The following MYRIP variants were observed in gnomAD, a reference collection of about 807,000 sequenced individuals.
The protein encoded by MYRIP is myosin VIIA and Rab interacting protein, also known as rab effector MyRIP.
MYRIP carries 49 observed loss-of-function variants against 98.0 expected under a neutral mutation model. The observed-to-expected ratio is 0.50, with a 90% confidence interval of 0.40 to 0.63. The LOEUF (loss-of-function observed/expected upper bound fraction) is 0.63. MYRIP is among the 30% of genes least tolerant of loss of function. The probability of loss-of-function intolerance (pLI) is 0.00; values close to 1 mark genes in which losing one functional copy is unlikely to be tolerated. For synonymous variants in MYRIP, 404 were observed against 409.5 expected (o/e 0.99, Z 0.16); for missense variants, 1,004 against 1,058.2 (o/e 0.95, Z 0.71).
chr3:40,103,590 C>G (rs1278551670), intron 3 of MYRIP, among the ~76,000 whole-genome samples: 1 of 152,174 alleles, frequency 6.6e-6, no homozygotes, highest in Non-Finnish European at 1.5e-5. Flanking sequence ...CAAACCCTGT[C>G]TCTACTAAAA....
chr3:39,984,069 G>A (rs1390184935), intron 2 of MYRIP, among the ~76,000 whole-genome samples: 1 of 152,084 alleles, frequency 6.6e-6, no homozygotes, highest in East Asian at 1.9e-4. Context: ...CATCAGCCTG[G>A]CCTCTGCTTC....
chr3:39,859,109 T>TG (rs1375690193), intron 1 of MYRIP, among the ~76,000 whole-genome samples: 5 of 114,020 alleles, frequency 4.4e-5, no homozygotes, highest in Admixed American at 8.4e-5. Context: ...GTTGGTTTTT[T>TG]GAAAAAAAAA....
intron 3 of MYRIP, among the ~76,000 whole-genome samples, chr3:40,074,415 A>C (rs1948297783): frequency 6.6e-6 from 1 of 152,192 alleles, no homozygotes; most frequent in African/African-American, 2.4e-5. Context: ...GGAATTTGCA[A>C]AATTTTTAAG....
At chr3:39,896,146 G>A (rs960124431) in intron 1 of MYRIP, among the ~76,000 whole-genome samples, 3 of 152,194 alleles carry the variant, frequency 2.0e-5, no homozygotes, top group African/African-American at 7.2e-5. Flanking sequence ...GTAATAAAAG[G>A]ATATTTGGTG....
At chr3:40,129,458 A>C (rs1277718228) in intron 3 of MYRIP, among the ~76,000 whole-genome samples, 1 of 148,342 alleles carries the variant, frequency 6.7e-6, no homozygotes, top group Non-Finnish European at 1.5e-5. Context: ...AAAAAAAAAA[A>C]AAAAAAAAAA....
At chr3:39,997,167 A>G (rs1000865718) in intron 2 of MYRIP, among the ~76,000 whole-genome samples, 2 of 152,214 alleles carry the variant, frequency 1.3e-5, no homozygotes, top group African/African-American at 2.4e-5. Flanking sequence ...AGCAGAAGGC[A>G]AGAAATAACT....
At chr3:40,096,502 C>G (rs1046737738) in intron 3 of MYRIP, among the ~76,000 whole-genome samples, 1 of 152,206 alleles carries the variant, frequency 6.6e-6, no homozygotes, top group Admixed American at 6.5e-5. Context: ...ATTTTGAGTT[C>G]ATGAGTTTGA....
intron 3 of MYRIP, among the ~76,000 whole-genome samples, chr3:40,135,024 C>G (rs1276434894): frequency 3.9e-5 from 6 of 152,172 alleles, no homozygotes; most frequent in Non-Finnish European, 4.4e-5. Context: ...CGGAACAAAG[C>G]TGGATGGAGA....
chr3:39,848,509 C>G (rs62261647), intron 1 of MYRIP, among the ~76,000 whole-genome samples: 29,051 of 152,102 alleles, frequency 0.19, 2,884 homozygotes, highest in South Asian at 0.29. Context: ...AGAGGCCTTG[C>G]CTTTCCCTTG....
intron 11 of MYRIP, among the ~76,000 whole-genome samples, chr3:40,227,384 T>C (rs1417827244): frequency 1.3e-5 from 2 of 151,994 alleles, no homozygotes; most frequent in Middle Eastern, 3.2e-3. Flanking sequence ...ATAATGGAAA[T>C]GTACTCTCTC....
intron 9 of MYRIP, among the ~76,000 whole-genome samples, chr3:40,189,036 G>A (rs1403730129): frequency 6.6e-6 from 1 of 152,208 alleles, no homozygotes. Context: ...GTCACAGCCT[G>A]AGAACTGCTC....
chr3:40,152,435 AC>A (rs905689860), intron 4 of MYRIP, among the ~76,000 whole-genome samples: 5 of 152,070 alleles, frequency 3.3e-5, no homozygotes, highest in Non-Finnish European at 7.4e-5. Context: ...CATGTGGAAA[AC>A]CCTGTAGAAT....
chr3:39,992,843 C>G lies in MYRIP; in HGVS notation c.111-51207C>G, dbSNP rs890231308. On this transcript the variant is annotated intron_variant, in intron 2 of 16. Coordinates refer to ENST00000302541, the MANE Select transcript of MYRIP (RefSeq NM_015460.4). ...TAGGCACTCTAGTCTCTGACCTCCA[C>G]TTCTCATCTTCTTGTGGCTCCATTC... Among the ~76,000 whole-genome samples the G allele has an allele frequency of 3.3e-5, 5 of 152,206 alleles. 1 individual carries two copies. The highest frequency in any genetic ancestry group is 1.2e-4 in the African/African-American group (5 of 41,458).
intron 16 of MYRIP, among the ~76,000 whole-genome samples, chr3:40,255,799 G>C (rs899836371): frequency 1.3e-5 from 2 of 152,194 alleles, no homozygotes; most frequent in African/African-American, 4.8e-5. Flanking sequence ...TTAGAGAATA[G>C]TGTAACTGTT....
intron 12 of MYRIP, among the ~76,000 whole-genome samples, chr3:40,240,550 G>A (rs536974890): frequency 2.0e-5 from 3 of 152,272 alleles, no homozygotes; most frequent in South Asian, 2.1e-4. Flanking sequence ...CTGGAAAATC[G>A]GGTCACTCCC....
intron 3 of MYRIP, among the ~76,000 whole-genome samples, chr3:40,069,283 C>T (rs1948178654): frequency 1.3e-5 from 2 of 152,236 alleles, no homozygotes; most frequent in East Asian, 1.9e-4. Context: ...TCTTTACTGT[C>T]ATTGTATTTA....
chr3:40,043,870 A>G (rs1575491112), intron 2 of MYRIP, among the ~76,000 whole-genome samples, 180 bp from the exon 3 acceptor site: 1 of 152,228 alleles, frequency 6.6e-6, no homozygotes. Context: ...TCTACGATTA[A>G]TGTTCTTCTC....
At chr3:40,168,916 C>T (rs1950554686) in intron 7 of MYRIP, among the ~76,000 whole-genome samples, 1 of 152,202 alleles carries the variant, frequency 6.6e-6, no homozygotes, top group Admixed American at 6.5e-5. Flanking sequence ...CTTCAGTCTT[C>T]CCTTTTGGTC....
At chr3:39,876,635 A>C (rs1943003817) in intron 1 of MYRIP, among the ~76,000 whole-genome samples, 1 of 151,778 alleles carries the variant, frequency 6.6e-6, no homozygotes, top group Non-Finnish European at 1.5e-5. Flanking sequence ...TTCTGGTTTG[A>C]AAATTCTTTT....
Sources: gnomAD v4.1 joint callset for allele counts (sites outside exome capture counted in the v4.1 genomes callset) on GRCh38, gnomAD v4.1.1 for gene constraint, MANE v1.5 for transcripts, NCBI Gene and HGNC (gene_info 2026-07-23, HGNC 2026-07-21) for gene names.